The following KCNK3 variants were observed in gnomAD, a reference collection of about 807,000 sequenced individuals.
The protein encoded by KCNK3 is potassium channel subfamily K member 3.
Under a neutral mutation model 27.3 loss-of-function variants are expected in KCNK3, and 9 were observed. The observed-to-expected ratio is 0.33, with a 90% CI of 0.20 to 0.57. The LOEUF (loss-of-function observed/expected upper bound fraction) is 0.57. Ranked by LOEUF, KCNK3 falls within the 20% of genes least tolerant of loss-of-function variation. The probability of loss-of-function intolerance (pLI) is 0.87; values close to 1 mark genes in which losing one functional copy is unlikely to be tolerated. For synonymous variants in KCNK3, 278 were observed against 273.8 expected, an observed-to-expected ratio of 1.02 and a Z score of -0.15; for missense variants, 391 against 577.7, an observed-to-expected ratio of 0.68 and a Z score of 3.31.
At position 26,728,893 on chromosome 2, in the gene KCNK3, T is replaced by G; in HGVS notation, c.*325T>G. On this transcript the variant is annotated 3_prime_UTR_variant, in exon 2 of 2. Coordinates refer to ENST00000302909, the MANE Select transcript of KCNK3 (RefSeq NM_002246.3). ...TCCCAGTCCTCAGAGACCCTGCTGG[T>G]ACCCAGACCCCCACCTTCGGAGGGG... 3.5e-6 allele frequency: 1 copy of G among 286,134 alleles called. No homozygotes were observed. Among genetic ancestry groups the G allele is most frequent in the Non-Finnish European group, 6.5e-6 (1 of 154,798 alleles). The allele number at this position is 286,134 out of a possible 1,614,324, so 17.7% of individuals were successfully genotyped here. A position where few individuals can be genotyped will look rare whatever the true frequency, so the allele number is the denominator to read the frequency against.
At chr2:26,726,970 A>T (rs1558604259) in intron 1 of KCNK3, among the ~76,000 whole-genome samples, 1 of 152,180 alleles carries the variant, frequency 6.6e-6, no homozygotes, top group Non-Finnish European at 1.5e-5. Context: ...TGGAACACTC[A>T]TTCATCCTGC....
chr2:26,704,809 C>T (rs1670352527), intron 1 of KCNK3, among the ~76,000 whole-genome samples: 1 of 152,256 alleles, frequency 6.6e-6, no homozygotes, highest in African/African-American at 2.4e-5. Context: ...AGATCTTACC[C>T]CCAACATGGA....
At chr2:26,727,540 G>GCT (rs1663443971) in intron 1 of KCNK3, 127 bp from the exon 2 acceptor site, 2 of 1,232,116 alleles carry the variant, frequency 1.6e-6, no homozygotes, top group African/African-American at 3.0e-5. Context: ...GATAAGGAGC[G>GCT]CCCATCACTG....
chr2:26,724,477 T>C (rs189615434), intron 1 of KCNK3: 4 of 529,838 alleles, frequency 7.5e-6, no homozygotes, highest in Non-Finnish European at 9.7e-6. Context: ...CTGGACTTCA[T>C]GACACCAACT....
chr2:26,708,957 G>A (rs540879067), intron 1 of KCNK3, among the ~76,000 whole-genome samples: 11 of 152,306 alleles, frequency 7.2e-5, no homozygotes, highest in Admixed American at 2.6e-4. Flanking sequence ...GGTGGATTGA[G>A]CTATGTTTGA....
At chr2:26,718,992 T>G (rs2148266243) in intron 1 of KCNK3, among the ~76,000 whole-genome samples, 1 of 152,312 alleles carries the variant, frequency 6.6e-6, no homozygotes, top group South Asian at 2.1e-4. Flanking sequence ...CATGATGTGG[T>G]AGTTTTCTAT....
intron 1 of KCNK3, among the ~76,000 whole-genome samples, chr2:26,706,431 G>A (rs1007497597): frequency 9.2e-5 from 14 of 152,064 alleles, no homozygotes; most frequent in Non-Finnish European, 1.8e-4. Context: ...CCCAGGGGAG[G>A]CCCCCTCCAC....
At chr2:26,724,307 G>A (rs1457720127) in intron 1 of KCNK3, among the ~76,000 whole-genome samples, 1 of 152,232 alleles carries the variant, frequency 6.6e-6, no homozygotes, top group African/African-American at 2.4e-5. Flanking sequence ...TGCTGCAACT[G>A]GCTCAGAGCA....
In KCNK3 at chr2:26,728,398, T is replaced by C; in HGVS notation, c.1015T>C (p.Cys339Arg). 1 of 1,605,906 alleles carries C rather than the reference T, an allele frequency of 6.2e-7. No individual in the cohort carries two copies. ...GCGGGACCTCTCCACGTCCGACACG[T>C]GCGTGGAGCAGAGCCACTCGTCGCC... Reference protein sequence around the residue: ...IPRDLSTSDTCVEQSHSSPGG... With the variant: ...IPRDLSTSDTRVEQSHSSPGG... Residue 339 changes from cysteine to arginine, a missense_variant, in exon 2 of 2, where the codon TGC (cysteine) becomes CGC (arginine). This residue lies in a region of KCNK3 where 192 missense variants were observed against 196.0 expected (regional missense o/e 0.98). Coordinates refer to ENST00000302909, the MANE Select transcript of KCNK3 (RefSeq NM_002246.3).
rs1265910590 is a variant in KCNK3, at chr2:26,693,966, C to T, written c.283+808C>T. 6.6e-6 allele frequency among the ~76,000 whole-genome samples: 1 copy of T among 151,840 alleles called. No individual in the cohort carries two copies. Among genetic ancestry groups the T allele is most frequent in the Non-Finnish European group, 1.5e-5 (1 of 68,010 alleles). ...AGGGTACACACAGGGCGGGCACACA[C>T]ACACACACACACAGAGAGAGAGACA... On this transcript the variant is annotated intron_variant, in intron 1 of 1. Coordinates refer to ENST00000302909, the MANE Select transcript of KCNK3 (RefSeq NM_002246.3). The surrounding 1 kb of genome is among the most constrained non-coding windows in gnomAD (Gnocchi z 5.5).
chr2:26,694,535 C>A (rs1184795574), intron 1 of KCNK3, among the ~76,000 whole-genome samples: 1 of 152,170 alleles, frequency 6.6e-6, no homozygotes, highest in Non-Finnish European at 1.5e-5. Context: ...CCATGGGGAG[C>A]TATGCTGTGT....
intron 1 of KCNK3, among the ~76,000 whole-genome samples, chr2:26,717,987 C>T (rs888298850): frequency 2.0e-5 from 3 of 152,204 alleles, no homozygotes. Flanking sequence ...ATGGGGCTTA[C>T]AGTTTCACCC....
chr2:26,702,928 C>G (rs1245859421), intron 1 of KCNK3, among the ~76,000 whole-genome samples: 1 of 152,140 alleles, frequency 6.6e-6, no homozygotes, highest in South Asian at 2.1e-4. Flanking sequence ...CCAGCCTGGC[C>G]AACATGGTGA....
At chr2:26,709,736 C>T (rs1182686069) in intron 1 of KCNK3, among the ~76,000 whole-genome samples, 1 of 152,174 alleles carries the variant, frequency 6.6e-6, no homozygotes, top group Non-Finnish European at 1.5e-5. Flanking sequence ...TTCACACCCT[C>T]CCCCTGCAGA....
rs1341320623 is a variant in KCNK3, at chr2:26,727,974, C to T, written c.591C>T (p.Leu197=). 1.2e-6 allele frequency: 2 copies of T among 1,614,158 alleles called. No individual in the cohort carries two copies. The highest frequency in any genetic ancestry group is 1.7e-6 in the Non-Finnish European group (2 of 1,180,060). ...FQAYYYCFIT[L]TTIGFGDYVA... ...CCTACTACTACTGCTTCATCACCCT[C>T]ACCACCATCGGCTTCGGCGACTACG... Residue 197 remains leucine (L), a synonymous_variant, in exon 2 of 2, where the codon CTC becomes CTT. Transcript: ENST00000302909.
chr2:26,703,039 C>T (rs1030505331), intron 1 of KCNK3, among the ~76,000 whole-genome samples: 3 of 152,138 alleles, frequency 2.0e-5, no homozygotes, highest in African/African-American at 7.2e-5. Flanking sequence ...TTGCTTGAAC[C>T]TGGGAGGCGG....
In KCNK3 at chr2:26,724,593, C is replaced by T. The variant is rs866217751; in HGVS notation, c.284-3074C>T. 97 of 985,200 alleles carry T rather than the reference C, an allele frequency of 9.8e-5. 1 individual carries two copies. The South Asian group carries it at 2.5e-3, about 25-fold the overall frequency. 61.0% of individuals were successfully genotyped at this position (985,200 alleles called of 1,614,324 possible). A position where few individuals can be genotyped will look rare whatever the true frequency, so the allele number is the denominator to read the frequency against. On this transcript the variant is annotated intron_variant, in intron 1 of 1. Transcript: ENST00000302909. ...CTTATTATTCTTAAGCCTCAGCCTG[C>T]GGTAGGAAGTGAGATTGAGCCCTGG...
chr2:26,725,624 G>A (rs1184310809), intron 1 of KCNK3, among the ~76,000 whole-genome samples: 1 of 152,178 alleles, frequency 6.6e-6, no homozygotes, highest in African/African-American at 2.4e-5. Context: ...CCCAGCTGGC[G>A]GGCACAATCT....
Position 26,692,973 on chromosome 2 carries a change from C to T in KCNK3, c.98C>T (p.Pro33Leu), listed in dbSNP as rs1281102056. Reference sequence around the variant, plus strand: ...GTCTTCGACGCGCTGGAGTCGGAGCCCGAGCTGATCGAGCGGCAGCGGCTG... The same window carrying T: ...GTCTTCGACGCGCTGGAGTCGGAGCTCGAGCTGATCGAGCGGCAGCGGCTG... The part of the protein sequence containing the change: ...AAVFDALESE[P>L]ELIERQRLEL... The change falls in exon 1 of 2, where the codon CCC becomes CTC. Residue 33 changes from proline to leucine, a missense_variant. Around this residue, in one of 4 missense-constraint regions of KCNK3, gnomAD observed 158 missense variants for 267.7 expected, o/e 0.59. Coordinates refer to ENST00000302909, the MANE Select transcript of KCNK3 (RefSeq NM_002246.3). The surrounding 1 kb of genome is among the most constrained non-coding windows in gnomAD (Gnocchi z 5.6). 6.4e-7 allele frequency: 1 copy of T among 1,570,208 alleles called. No individual in the cohort carries two copies. The highest frequency in any genetic ancestry group is 8.6e-7 in the Non-Finnish European group (1 of 1,162,444).
Sources: allele counts gnomAD v4.1 joint callset (sites outside exome capture counted in the v4.1 genomes callset), GRCh38; gene constraint gnomAD v4.1.1; regional missense constraint gnomAD v4.1.1; non-coding constraint Gnocchi (gnomAD v3.1); transcripts MANE v1.5; gene names NCBI Gene and HGNC (gene_info 2026-07-23, HGNC 2026-07-21).